Variants in PUM1 observed in about 807,000 individuals in gnomAD.
PUM1 encodes the protein pumilio RNA binding family member 1.
PUM1 carries 13 observed loss-of-function variants against 131.8 expected under a neutral mutation model. The ratio of observed to expected loss-of-function variants is 0.10; its 90% confidence interval spans 0.06 to 0.16. The LOEUF (loss-of-function observed/expected upper bound fraction) is 0.16. Among genes scored for constraint, PUM1 ranks in the 10% least tolerant of loss-of-function variants. The pLI is 1.00. For synonymous variants in PUM1, 509 were observed against 556.5 expected (o/e 0.91, Z 1.20); for missense variants, 961 against 1,512.4 (o/e 0.64, Z 6.05).
At chr1:30,944,227 T>C (rs1639576596) in intron 18 of PUM1, among the ~76,000 whole-genome samples, 1 of 152,166 alleles carries the variant, frequency 6.6e-6, no homozygotes, top group Non-Finnish European at 1.5e-5. Context: ...ACACATCACA[T>C]ATCACTCTAT....
chr1:30,947,998 G>C (rs150195514), intron 17 of PUM1, among the ~76,000 whole-genome samples: 5 of 151,564 alleles, frequency 3.3e-5, no homozygotes. Flanking sequence ...TGAGACTATA[G>C]GAGTGCACCA....
intron 6 of PUM1, among the ~76,000 whole-genome samples, chr1:30,994,438 A>G (rs1641914036): frequency 6.6e-6 from 1 of 152,252 alleles, no homozygotes; most frequent in Non-Finnish European, 1.5e-5. Flanking sequence ...TTATTTTAAT[A>G]CTGTGTAACT....
At chr1:30,968,813 A>G (rs1397301848) in intron 10 of PUM1, among the ~76,000 whole-genome samples, 1 of 152,232 alleles carries the variant, frequency 6.6e-6, no homozygotes, top group East Asian at 1.9e-4. Flanking sequence ...TGAATTTGGA[A>G]TATCTGGCAT....
chr1:30,968,058 C>A, intron 11 of PUM1: 1 of 459,656 alleles, frequency 2.2e-6, no homozygotes, highest in Non-Finnish European at 4.2e-6. Flanking sequence ...CTAGCTTGGC[C>A]ACTCCATCTA....
At chr1:31,034,651 C>T (rs12121704) in intron 2 of PUM1, among the ~76,000 whole-genome samples, 7 of 152,206 alleles carry the variant, frequency 4.6e-5, no homozygotes, top group Non-Finnish European at 8.8e-5. Context: ...ATTTCTTGCT[C>T]TGAGGTTCAG....
At chr1:30,943,125 T>C (rs927737687) in intron 18 of PUM1, among the ~76,000 whole-genome samples, 38 of 152,210 alleles carry the variant, frequency 2.5e-4, no homozygotes, top group African/African-American at 8.7e-4. Context: ...TGTATGGTTC[T>C]CCTTGAATTT....
At chr1:31,022,975 C>T (rs1229588929) in intron 3 of PUM1, among the ~76,000 whole-genome samples, 2 of 151,912 alleles carry the variant, frequency 1.3e-5, no homozygotes, top group African/African-American at 4.8e-5. Context: ...TTGAGACCAG[C>T]CTGGCCAACA....
At chr1:30,960,878 T>C (rs60580657) in intron 14 of PUM1, among the ~76,000 whole-genome samples, 1 of 152,040 alleles carries the variant, frequency 6.6e-6, no homozygotes, top group African/African-American at 2.4e-5. Context: ...CCCCAAGAGT[T>C]TGAGTTAGGC....
chr1:31,012,741 T>A (rs927788404), intron 3 of PUM1, among the ~76,000 whole-genome samples: 2 of 151,958 alleles, frequency 1.3e-5, no homozygotes, highest in Non-Finnish European at 2.9e-5. Context: ...ACTTAACACT[T>A]AACAATCAAT....
intron 1 of PUM1, among the ~76,000 whole-genome samples, chr1:31,064,405 T>A (rs1644434891): frequency 6.6e-6 from 1 of 152,062 alleles, no homozygotes; most frequent in Non-Finnish European, 1.5e-5. Context: ...CCCCCCAGTG[T>A]TTTATAAAGT....
chr1:30,937,595 T>C (rs80294309), intron 20 of PUM1, among the ~76,000 whole-genome samples: 1 of 148,390 alleles, frequency 6.7e-6, no homozygotes, highest in African/African-American at 2.5e-5. Context: ...AAATAAGTAA[T>C]TTTTTTTTAA....
intron 21 of PUM1, among the ~76,000 whole-genome samples, chr1:30,934,907 G>A (rs1044557799): frequency 4.6e-5 from 7 of 152,144 alleles, no homozygotes; most frequent in African/African-American, 1.7e-4. Flanking sequence ...TTAATTACCT[G>A]CTTCTCTCCT....
chr1:30,996,093 A>C (rs946786699), intron 5 of PUM1, among the ~76,000 whole-genome samples: 1 of 152,214 alleles, frequency 6.6e-6, no homozygotes, highest in African/African-American at 2.4e-5. Flanking sequence ...TTTCCAAAGG[A>C]AAAGATTTGG....
chr1:31,002,798 T>C (rs372484978), intron 5 of PUM1, among the ~76,000 whole-genome samples: 1 of 152,240 alleles, frequency 6.6e-6, no homozygotes, highest in East Asian at 1.9e-4. Flanking sequence ...GAACAAAATA[T>C]GGTTGCCAGA....
At chr1:31,038,961 T>TATATATATATATAC (rs1337273688) in intron 2 of PUM1, among the ~76,000 whole-genome samples, 3 of 25,334 alleles carry the variant, frequency 1.2e-4, no homozygotes, top group African/African-American at 3.4e-4. Context: ...TAAAATTTTA[T>TATATATATATATAC]ATATATATAT....
At chr1:30,941,350 TA>T in intron 19 of PUM1, 78 bp from the exon 20 acceptor site, 3 of 1,421,770 alleles carry the variant, frequency 2.1e-6, no homozygotes, top group Non-Finnish European at 2.9e-6. Flanking sequence ...TATATCTAAT[TA>T]AAACCTGTCT....
intron 2 of PUM1, among the ~76,000 whole-genome samples, chr1:31,033,698 G>C (rs1643514974): frequency 6.6e-6 from 1 of 151,598 alleles, no homozygotes; most frequent in Admixed American, 6.6e-5. Context: ...GTCTGGCTCT[G>C]TTACCTAGGC....
Position 31,006,014 on chromosome 1 carries a change from G to T in PUM1, c.559C>A (p.Pro187Thr). The T allele has an allele frequency of 6.2e-7, 1 of 1,601,914 alleles. No homozygotes were observed. Among genetic ancestry groups the T allele is most frequent in the Non-Finnish European group, 8.5e-7 (1 of 1,175,786 alleles). ...CCAGGTCTTCTCTGCACCATGATTG[G>T]CTGGGAAACTGAATGATCTACAAAA... is the stretch of plus-strand genomic sequence containing the variant. Reference protein sequence around the residue: ...WGTSDHSVSQPIMVQRRPGQS... With the variant: ...WGTSDHSVSQTIMVQRRPGQS... The change falls in exon 5 of 22, where the codon CCA (proline) becomes ACA (threonine). Residue 187 changes from proline to threonine, a missense_variant. By Grantham distance (38) the Pro-to-Thr change is conservative (BLOSUM62 -1). Coordinates refer to ENST00000426105, the MANE Select transcript of PUM1 (RefSeq NM_001020658.2).
At chr1:31,040,362 G>C (rs1290298017) in intron 2 of PUM1, among the ~76,000 whole-genome samples, 1 of 152,180 alleles carries the variant, frequency 6.6e-6, no homozygotes, top group Non-Finnish European at 1.5e-5. Context: ...CCCAACCTTG[G>C]AGAAAAGTGG....
Sources: gnomAD v4.1 joint callset for allele counts (sites outside exome capture counted in the v4.1 genomes callset) on GRCh38, gnomAD v4.1.1 for gene constraint, MANE v1.5 for transcripts, NCBI Gene and HGNC (gene_info 2026-07-23, HGNC 2026-07-21) for gene names.